Variants in RIPOR3 observed in about 807,000 individuals in gnomAD.
RIPOR3 encodes RIPOR family member 3.
Under a neutral mutation model 114.3 loss-of-function variants are expected in RIPOR3, and 95 were observed. That is an observed-to-expected ratio of 0.83 (90% CI 0.70 to 0.99). The LOEUF is 0.99. Ranked by LOEUF, RIPOR3 falls within the 50% of genes least tolerant of loss-of-function variation. The probability of loss-of-function intolerance (pLI) is 0.00; values close to 1 mark genes in which losing one functional copy is unlikely to be tolerated. For synonymous variants in RIPOR3, 575 were observed against 543.8 expected (o/e 1.06, Z -0.80); for missense variants, 1,252 against 1,266.9 (o/e 0.99, Z 0.18).
At chr20:50,607,898 A>G (rs1034315541) in intron 11 of RIPOR3, among the ~76,000 whole-genome samples, 1 of 152,210 alleles carries the variant, frequency 6.6e-6, no homozygotes, top group East Asian at 1.9e-4. Context: ...TCCTTAGAAC[A>G]GAGAGCTCTG....
intron 16 of RIPOR3, 110 bp downstream of exon 16, chr20:50,595,257 CTG>C: frequency 8.5e-6 from 12 of 1,419,902 alleles, no homozygotes; most frequent in Non-Finnish European, 1.2e-5. Context: ...AGCCTCCACT[CTG>C]GGCCCCGATT....
intron 2 of RIPOR3, among the ~76,000 whole-genome samples, chr20:50,624,645 G>A (rs1330750017): frequency 2.0e-5 from 3 of 152,322 alleles, no homozygotes; most frequent in South Asian, 2.1e-4. Flanking sequence ...CACAGAAGCC[G>A]GGGCAGGAAG....
At chr20:50,688,107 C>T (rs1205748747) in intron 1 of RIPOR3, among the ~76,000 whole-genome samples, 1 of 152,010 alleles carries the variant, frequency 6.6e-6, no homozygotes, top group Non-Finnish European at 1.5e-5. Flanking sequence ...TTCAGAAATA[C>T]CAGTTAATAT....
At chr20:50,618,890 C>T (rs1309269256) in intron 3 of RIPOR3, among the ~76,000 whole-genome samples, 2 of 152,160 alleles carry the variant, frequency 1.3e-5, no homozygotes, top group Non-Finnish European at 2.9e-5. Flanking sequence ...GCCTGGCCAA[C>T]ATGGCGAAAC....
Position 50,604,752 on chromosome 20 carries a change from G to T in RIPOR3, c.979C>A (p.Leu327Met). 2 of 1,608,468 alleles carry T rather than the reference G, an allele frequency of 1.2e-6. No homozygotes were observed. The highest frequency in any genetic ancestry group is 1.7e-6 in the Non-Finnish European group (2 of 1,178,032). Reference protein sequence around the residue: ...QWNPFDTESFLVSPSPTGKFS... With the variant: ...QWNPFDTESFMVSPSPTGKFS... ...TTGCCCGTGGGGCTGGGTGACACCAGGAAGCTCTCAGTATCAAACGGGCTG... is the reference window on the plus strand; with the variant it reads ...TTGCCCGTGGGGCTGGGTGACACCATGAAGCTCTCAGTATCAAACGGGCTG... The change falls in exon 12 of 22, where the codon CTG becomes ATG. Residue 327 changes from leucine to methionine, a missense_variant. By Grantham distance (15) the Leu-to-Met change is conservative. Transcript: ENST00000327979.
chr20:50,665,421 C>CTTTTTTTTTTTTT lies in RIPOR3; in HGVS notation c.3+25692_3+25704dup, dbSNP rs11471486. On this transcript the variant is annotated intron_variant, in intron 1 of 21. Transcript: ENST00000327979. ...TACCTTGGCTCAGAGCCCCCTCTTC[C>CTTTTTTTTTTTTT]TTTTTTTTTTTTTTTTTGAGATGGA... 9.3e-5 allele frequency among the ~76,000 whole-genome samples: 10 copies of CTTTTTTTTTTTTT among 107,840 alleles called. 1 individual carries two copies. Among genetic ancestry groups the CTTTTTTTTTTTTT allele is most frequent in the African/African-American group, 1.4e-4 (4 of 29,184 alleles). 70.7% of individuals were successfully genotyped at this position (107,840 alleles called of 152,430 possible).
At chr20:50,627,119 T>C (rs140964945) in intron 2 of RIPOR3, among the ~76,000 whole-genome samples, 1 of 151,732 alleles carries the variant, frequency 6.6e-6, no homozygotes, top group Non-Finnish European at 1.5e-5. Flanking sequence ...AAGGTGGAGC[T>C]TGCAGTGAGC....
chr20:50,592,263 T>C, intron 19 of RIPOR3, 81 bp downstream of exon 19: 1 of 1,415,978 alleles, frequency 7.1e-7, no homozygotes, highest in South Asian at 1.6e-5. Flanking sequence ...CTCACTTCTT[T>C]GTACTTTTCC....
At chr20:50,655,298 C>T (rs184871093) in intron 1 of RIPOR3, among the ~76,000 whole-genome samples, 6 of 152,318 alleles carry the variant, frequency 3.9e-5, no homozygotes, top group Admixed American at 3.9e-4. Context: ...GACAAACCCC[C>T]AGAAGTTGTG....
intron 1 of RIPOR3, among the ~76,000 whole-genome samples, chr20:50,666,226 T>TCTTTTCTTTTCTCTTCTCCTCTCTTC (rs1555873214): frequency 7.2e-6 from 1 of 139,812 alleles, no homozygotes; most frequent in Non-Finnish European, 1.5e-5. Context: ...TCTTTTCTTT[T>TCTTTTCTTTTCTCTTCTCCTCTCTTC]TTGAGACGGA....
chr20:50,607,723 C>T (rs1014010869), intron 11 of RIPOR3, among the ~76,000 whole-genome samples: 2 of 152,134 alleles, frequency 1.3e-5, no homozygotes, highest in African/African-American at 2.4e-5. Context: ...AGGGAGAGGG[C>T]AGCAGCTTTG....
At chr20:50,683,005 G>T (rs999723565) in intron 1 of RIPOR3, among the ~76,000 whole-genome samples, 2 of 152,158 alleles carry the variant, frequency 1.3e-5, no homozygotes, top group African/African-American at 2.4e-5. Context: ...GGGATTACAG[G>T]CATGAGCCAC....
At chr20:50,636,740 C>T in intron 1 of RIPOR3, 1 of 985,552 alleles carries the variant, frequency 1.0e-6, no homozygotes, top group Non-Finnish European at 1.2e-6. Flanking sequence ...CCTCCGTCCC[C>T]AAGGTGTGGC....
At chr20:50,612,245 G>A (rs778372564) in intron 4 of RIPOR3, among the ~76,000 whole-genome samples, 7 of 151,816 alleles carry the variant, frequency 4.6e-5, no homozygotes, top group Non-Finnish European at 7.4e-5. Context: ...GGGAAGTGCT[G>A]TACCTGCCTG....
intron 1 of RIPOR3, among the ~76,000 whole-genome samples, chr20:50,668,683 T>G (rs2086344428): frequency 6.6e-6 from 1 of 151,792 alleles, no homozygotes; most frequent in African/African-American, 2.4e-5. Flanking sequence ...ATGGCAAAAC[T>G]CCATCTCCCC....
chr20:50,644,674 T>G (rs138680718), intron 1 of RIPOR3, among the ~76,000 whole-genome samples: 2 of 129,748 alleles, frequency 1.5e-5, no homozygotes, highest in African/African-American at 6.0e-5. Context: ...TTTTTTTGTT[T>G]GCTTTTTTTT....
chr20:50,590,936 C>T (rs1245639597), intron 19 of RIPOR3, among the ~76,000 whole-genome samples: 2 of 151,820 alleles, frequency 1.3e-5, no homozygotes, highest in Admixed American at 6.6e-5. Context: ...TACCCCCATA[C>T]CCAAAAAACA....
intron 8 of RIPOR3, 115 bp downstream of exon 8, chr20:50,609,178 G>A (rs1024243710): frequency 2.4e-5 from 33 of 1,379,504 alleles, no homozygotes; most frequent in African/African-American, 8.6e-5. Context: ...TCACATGGAT[G>A]CAAAAGCCAG....
chr20:50,681,238 AAAAAGAAAAG>A lies in RIPOR3; in HGVS notation c.3+9878_3+9887del, dbSNP rs1188623460. ...AAACTCTGTCTCAAAAAAAAAAAAAAAAAAGAAAAGAAAAGAAAAGAAACAATAAGGCACT... is the reference window on the plus strand; with the variant it reads ...AAACTCTGTCTCAAAAAAAAAAAAAAAAAAGAAAAGAAACAATAAGGCACT... On this transcript the variant is annotated intron_variant, in intron 1 of 21. Transcript: ENST00000327979. Among the ~76,000 whole-genome samples, 72 of 124,528 alleles carry A rather than the reference AAAAAGAAAAG, an allele frequency of 5.8e-4. 1 individual carries two copies. Among genetic ancestry groups the A allele is most frequent in the East Asian group, 1.7e-3 (7 of 4,016 alleles). The allele number at this position is 124,528 out of a possible 152,430, so 81.7% of individuals were successfully genotyped here.
Sources: gnomAD v4.1 joint callset for allele counts (sites outside exome capture counted in the v4.1 genomes callset) on GRCh38, gnomAD v4.1.1 for gene constraint, MANE v1.5 for transcripts, NCBI Gene and HGNC (gene_info 2026-07-23, HGNC 2026-07-21) for gene names.